Variants in SLC38A4 observed in about 807,000 individuals in gnomAD.
SLC38A4 encodes the protein sodium-coupled neutral amino acid transporter 4.
SLC38A4 carries 20 observed loss-of-function variants against 63.1 expected under a neutral mutation model. The observed-to-expected ratio is 0.32, with a 90% CI of 0.22 to 0.46. SLC38A4 has a LOEUF of 0.46. SLC38A4 is among the 20% of genes least tolerant of loss of function. SLC38A4 has a pLI of 1.00. For missense variants in SLC38A4, 526 were observed against 663.6 expected, an observed-to-expected ratio of 0.79 and a Z score of 2.28; for synonymous variants, 230 against 225.5, an observed-to-expected ratio of 1.02 and a Z score of -0.18.
At chr12:46,791,271 T>A (rs1240677915) in intron 3 of SLC38A4, among the ~76,000 whole-genome samples, 1 of 152,228 alleles carries the variant, frequency 6.6e-6, no homozygotes, top group Non-Finnish European at 1.5e-5. Context: ...GCTGTTGGTT[T>A]GCCATTTTAC....
chr12:46,808,001 A>G (rs1939268358), intron 1 of SLC38A4, among the ~76,000 whole-genome samples: 1 of 151,834 alleles, frequency 6.6e-6, no homozygotes, highest in African/African-American at 2.4e-5. Flanking sequence ...AGCTTGAGCC[A>G]CTTCTATTTT....
At chr12:46,802,907 G>A (rs17097341) in intron 2 of SLC38A4, among the ~76,000 whole-genome samples, 7,978 of 152,004 alleles carry the variant, frequency 0.052, 524 homozygotes, top group East Asian at 0.26. Context: ...ATAAATTTGA[G>A]GAGAACACCT....
At chr12:46,819,216 G>A (rs1409115009) in intron 1 of SLC38A4, among the ~76,000 whole-genome samples, 1 of 151,542 alleles carries the variant, frequency 6.6e-6, no homozygotes, top group Admixed American at 6.6e-5. Context: ...TTAACTCTGA[G>A]GACTGAAAGA....
At chr12:46,831,941 G>GCGCGGCCACGGAACGCAGTCCCAATACA (rs1939737218) in intron 1 of SLC38A4, among the ~76,000 whole-genome samples, 2 of 152,092 alleles carry the variant, frequency 1.3e-5, no homozygotes, top group African/African-American at 4.8e-5. Context: ...GCGGGAGGCG[G>GCGCGGCCACGGAACGCAGTCCCAATACA]AGGTGCCCCA....
intron 1 of SLC38A4, among the ~76,000 whole-genome samples, chr12:46,824,742 C>T (rs573313666): frequency 2.0e-5 from 3 of 152,040 alleles, no homozygotes; most frequent in Non-Finnish European, 4.4e-5. Context: ...AAGTGGTTGC[C>T]GGGGTAGCGA....
At chr12:46,783,863 A>T (rs1256417885) in intron 7 of SLC38A4, among the ~76,000 whole-genome samples, 1 of 151,970 alleles carries the variant, frequency 6.6e-6, no homozygotes, top group Admixed American at 6.6e-5. Flanking sequence ...ATGGGTTTGG[A>T]TGCCTTCTGA....
intron 14 of SLC38A4, among the ~76,000 whole-genome samples, chr12:46,770,335 G>A (rs180405): frequency 0.67 from 102,274 of 151,646 alleles, 36,255 homozygotes; most frequent in Middle Eastern, 0.81. Flanking sequence ...TGACGTTTTT[G>A]TGTTTGCTCC....
chr12:46,827,555 C>T (rs552130855), upstream of SLC38A4, among the ~76,000 whole-genome samples: 2 of 152,306 alleles, frequency 1.3e-5, no homozygotes, highest in African/African-American at 4.8e-5. Flanking sequence ...CAATTCCCTA[C>T]ATCACCTTTT....
chr12:46,816,541 C>A (rs1334442322), intron 1 of SLC38A4, among the ~76,000 whole-genome samples: 1 of 151,894 alleles, frequency 6.6e-6, no homozygotes, highest in African/African-American at 2.4e-5. Flanking sequence ...GTTGCTTCAA[C>A]TTCTATAGAA....
chr12:46,818,770 T>C (rs1463680959), intron 1 of SLC38A4, among the ~76,000 whole-genome samples: 3 of 151,898 alleles, frequency 2.0e-5, no homozygotes, highest in Non-Finnish European at 4.4e-5. Context: ...TGTGGGACAA[T>C]TTTAAAAATC....
rs61927966 is a variant in SLC38A4 at position 46,773,358 on chromosome 12, G to A, written c.1299+1691C>T. Reference sequence around the variant, plus strand: ...AAGTCCCAGGGACTTATGACTCTGTGGGGCAGTGGAGCACTTACACAGATT... The same window carrying A: ...AAGTCCCAGGGACTTATGACTCTGTAGGGCAGTGGAGCACTTACACAGATT... On this transcript the variant is annotated intron_variant, in intron 14 of 16. Transcript: ENST00000266579. Among the ~76,000 whole-genome samples the A allele has an allele frequency of 7.5e-3, 1,137 of 152,212 alleles. 4 individuals carry two copies. The highest frequency in any genetic ancestry group is 0.011 in the Non-Finnish European group (734 of 67,992).
At chr12:46,801,593 C>T (rs778846056) in intron 2 of SLC38A4, among the ~76,000 whole-genome samples, 2 of 152,084 alleles carry the variant, frequency 1.3e-5, no homozygotes, top group Non-Finnish European at 2.9e-5. Context: ...CAGAAAGCCT[C>T]ACCTATCATT....
rs201506313 is a variant in SLC38A4 at position 46,788,534 on chromosome 12, A to G, written c.204T>C (p.Asp68=). Residue 68 remains aspartate, a synonymous_variant, in exon 4 of 17, where the codon GAT becomes GAC. Transcript: ENST00000266579. ...LGKKKLADYA[D]EHHPGTTSFG... is the part of the protein sequence containing the mutation. ...AAAGCATAGATTCACTTACGTGTTC[A>G]TCAGCATAATCTGCCAGCTTCTTTT... 129 of 1,612,976 alleles carry G rather than the reference A, an allele frequency of 8.0e-5. No individual in the cohort carries two copies. The highest frequency in any genetic ancestry group is 1.0e-4 in the Non-Finnish European group (121 of 1,179,468).
At chr12:46,804,134 T>C (rs1939184449) in intron 1 of SLC38A4, among the ~76,000 whole-genome samples, 1 of 152,038 alleles carries the variant, frequency 6.6e-6, no homozygotes, top group African/African-American at 2.4e-5. Context: ...TCTTTTAAGT[T>C]GTTGATCTTT....
chr12:46,819,660 G>A (rs988674429), intron 1 of SLC38A4, among the ~76,000 whole-genome samples: 10 of 151,798 alleles, frequency 6.6e-5, no homozygotes, highest in African/African-American at 1.7e-4. Context: ...AAAGATGTGA[G>A]TATAGATAAA....
intron 6 of SLC38A4, among the ~76,000 whole-genome samples, 167 bp downstream of exon 6, chr12:46,784,937 T>C (rs1194276476): frequency 2.0e-5 from 3 of 152,118 alleles, no homozygotes; most frequent in Non-Finnish European, 4.4e-5. Flanking sequence ...CACTCCTGCC[T>C]CTCACTTGCC....
At chr12:46,776,105 T>A (rs890085559) in intron 13 of SLC38A4, among the ~76,000 whole-genome samples, 1 of 151,902 alleles carries the variant, frequency 6.6e-6, no homozygotes, top group Non-Finnish European at 1.5e-5. Flanking sequence ...ATTTACCAAG[T>A]CAGTAAGAAA....
At chr12:46,787,222 A>G (rs891641593) in intron 5 of SLC38A4, among the ~76,000 whole-genome samples, 2 of 152,228 alleles carry the variant, frequency 1.3e-5, no homozygotes, top group African/African-American at 4.8e-5. Context: ...AGGTAGAGAC[A>G]TTGGTGAGTA....
chr12:46,795,858 A>AG (rs1262295820), intron 2 of SLC38A4, among the ~76,000 whole-genome samples: 1 of 152,066 alleles, frequency 6.6e-6, no homozygotes, highest in East Asian at 1.9e-4. Flanking sequence ...TTATCCTTTC[A>AG]TCACGACGTG....
Sources: allele counts gnomAD v4.1 joint callset (sites outside exome capture counted in the v4.1 genomes callset), GRCh38; gene constraint gnomAD v4.1.1; transcripts MANE v1.5; gene names NCBI Gene and HGNC (gene_info 2026-07-23, HGNC 2026-07-21).